Variants in LASP1 observed in about 807,000 individuals in gnomAD.
LASP1 encodes the protein LIM and SH3 protein 1.
Under a neutral mutation model 38.6 loss-of-function variants are expected in LASP1, and 10 were observed. The ratio of observed to expected loss-of-function variants is 0.26; its 90% CI spans 0.16 to 0.44. The LOEUF is 0.44. LASP1 is among the 20% of genes least tolerant of loss of function. LASP1 has a pLI of 1.00. For synonymous variants in LASP1, 132 were observed against 140.8 expected (o/e 0.94, Z 0.44); for missense variants, 243 against 375.7 (o/e 0.65, Z 2.92).
chr17:38,915,111 G>C lies in LASP1; in HGVS notation c.577G>C (p.Val193Leu). 6.2e-7 allele frequency: 1 copy of C among 1,613,978 alleles called. No individual in the cohort carries two copies. The highest frequency in any genetic ancestry group is 8.5e-7 in the Non-Finnish European group (1 of 1,179,972). ...TGGCTACAAGGAGCCTGCAGCCCCA[G>C]TCTCCATACAGCGCAGCGCCCCAGG... ...YGGYKEPAAP[V>L]SIQRSAPGGG... The change falls in exon 6 of 7, where the codon GTC becomes CTC. Residue 193 changes from valine to leucine, a missense_variant. This residue lies in a region of LASP1 where 165 missense variants were observed against 210.3 expected (regional missense o/e 0.78). Transcript: ENST00000318008.
intron 1 of LASP1, 123 bp from the exon 2 acceptor site, chr17:38,877,963 G>C: frequency 1.5e-6 from 1 of 686,580 alleles, no homozygotes; most frequent in South Asian, 1.9e-5. Flanking sequence ...ATGATTCCAT[G>C]TTCTCCCCAC....
chr17:38,886,218 A>T (rs142515178), intron 2 of LASP1, among the ~76,000 whole-genome samples: 8 of 151,416 alleles, frequency 5.3e-5, no homozygotes, highest in African/African-American at 1.9e-4. Context: ...GCTGAAGATG[A>T]GGTTGCCATG....
chr17:38,897,689 C>T (rs1261078629), intron 3 of LASP1, among the ~76,000 whole-genome samples: 1 of 152,092 alleles, frequency 6.6e-6, no homozygotes, highest in Non-Finnish European at 1.5e-5. Context: ...TGCTGTCTGA[C>T]CCCCGCTGCT....
At chr17:38,906,868 T>C (rs1210687983) in intron 4 of LASP1, among the ~76,000 whole-genome samples, 1 of 152,174 alleles carries the variant, frequency 6.6e-6, no homozygotes, top group Admixed American at 6.5e-5. Flanking sequence ...CCACATGTAC[T>C]TGGACCTCAT....
intron 1 of LASP1, among the ~76,000 whole-genome samples, chr17:38,874,596 C>G (rs1049356118): frequency 7.9e-5 from 12 of 152,172 alleles, no homozygotes; most frequent in Non-Finnish European, 1.8e-4. Context: ...AGGGGTGGAA[C>G]GGCCTCCTCT....
In LASP1 at chr17:38,920,302, TC is replaced by T. The variant is rs1183943728; in HGVS notation, c.*1529del. 16 of 385,672 alleles carry T rather than the reference TC, an allele frequency of 4.1e-5. No homozygotes were observed. In the East Asian group the frequency reaches 4.2e-4, roughly 10 times the overall value. The allele number at this position is 385,672 out of a possible 1,614,324, so 23.9% of individuals were successfully genotyped here. On this transcript the variant is annotated 3_prime_UTR_variant, in exon 7 of 7. Transcript: ENST00000318008. Reference sequence around the variant, plus strand: ...CCCTCGGGGGCTCTTCCCCTAGACCTCCCCCTCACTTACATAAAGCTCCCTT... The same window carrying T: ...CCCTCGGGGGCTCTTCCCCTAGACCTCCCCTCACTTACATAAAGCTCCCTT...
chr17:38,893,770 C>T (rs888310841), intron 3 of LASP1, among the ~76,000 whole-genome samples: 5 of 152,174 alleles, frequency 3.3e-5, no homozygotes, highest in Admixed American at 6.5e-5. Context: ...AGGGCTGAGC[C>T]GGCCAGGCTG....
At position 38,920,469 on chromosome 17, in the gene LASP1, G is replaced by T; in HGVS notation, c.*1691G>T. On this transcript the variant is annotated 3_prime_UTR_variant, in exon 7 of 7. Transcript: ENST00000318008. ...CCCTGGCCTCACTTGATTCATCTCTGGTTTTCTTGCCACCCTCTGGGAGTC... is the reference window on the plus strand; with the variant it reads ...CCCTGGCCTCACTTGATTCATCTCTTGTTTTCTTGCCACCCTCTGGGAGTC... 1 of 266,784 alleles carries T rather than the reference G, an allele frequency of 3.7e-6. No individual in the cohort carries two copies. The highest frequency in any genetic ancestry group is 7.3e-6 in the Non-Finnish European group (1 of 136,324). 16.5% of individuals were successfully genotyped at this position (266,784 alleles called of 1,614,324 possible). A position where few individuals can be genotyped will look rare whatever the true frequency, so the allele number is the denominator to read the frequency against.
At position 38,914,376 on chromosome 17, in the gene LASP1, G is replaced by C. The variant is rs755476623; in HGVS notation, c.409G>C (p.Glu137Gln). 6.2e-7 allele frequency: 1 copy of C among 1,612,202 alleles called. No homozygotes were observed. The highest frequency in any genetic ancestry group is 1.1e-5 in the South Asian group (1 of 90,986). The change falls in exon 5 of 7, where the codon GAG becomes CAG. Residue 137 changes from glutamate to glutamine, a missense_variant. Transcript: ENST00000318008. Reference protein sequence around the residue: ...EKSRMGPSGGEGMEPERRDSQ... With the variant: ...EKSRMGPSGGQGMEPERRDSQ... ...GAGCCGCATGGGCCCTAGCGGGGGC[G>C]AGGGCATGGAGCCAGAGCGTCGGGA...
chr17:38,870,542 G>C (rs12939116), intron 1 of LASP1, among the ~76,000 whole-genome samples: 95,310 of 152,102 alleles, frequency 0.63, 30,014 homozygotes, highest in East Asian at 0.68. Context: ...GAAGTCAGGC[G>C]CCGGGGTGTG....
chr17:38,897,435 GGGTCTGGAACAGAT>G (rs1333671328), intron 3 of LASP1, among the ~76,000 whole-genome samples: 1 of 152,250 alleles, frequency 6.6e-6, no homozygotes, highest in African/African-American at 2.4e-5. Flanking sequence ...GCAGCTGGTG[GGGTCTGGAACAGAT>G]GGCTGATGAG....
chr17:38,894,761 A>G (rs1435998632), intron 3 of LASP1, among the ~76,000 whole-genome samples: 1 of 151,852 alleles, frequency 6.6e-6, no homozygotes, highest in African/African-American at 2.4e-5. Context: ...TTTTTGAGAC[A>G]GGGTCTCTCT....
At chr17:38,870,378 G>A in intron 1 of LASP1, 120 bp downstream of exon 1, 1 of 1,148,004 alleles carries the variant, frequency 8.7e-7, no homozygotes, top group Non-Finnish European at 1.2e-6. Flanking sequence ...ATGGAGGGAG[G>A]GCGAGCGGGC....
At chr17:38,908,952 G>A (rs909343891) in intron 4 of LASP1, among the ~76,000 whole-genome samples, 4 of 152,252 alleles carry the variant, frequency 2.6e-5, no homozygotes, top group African/African-American at 9.6e-5. Context: ...TGGGGCAGGG[G>A]CGTTCCAGGA....
At chr17:38,913,032 C>T (rs560728512) in intron 4 of LASP1, among the ~76,000 whole-genome samples, 2 of 152,286 alleles carry the variant, frequency 1.3e-5, no homozygotes, top group South Asian at 4.1e-4. Flanking sequence ...CCCTCCCCTC[C>T]CCAGCTTGGC....
At chr17:38,910,847 C>T (rs573900499) in intron 4 of LASP1, among the ~76,000 whole-genome samples, 3 of 152,058 alleles carry the variant, frequency 2.0e-5, no homozygotes, top group African/African-American at 4.8e-5. Context: ...CTCAGCCTTC[C>T]GAGTAGCTGG....
rs1291100551 is a variant in LASP1, at chr17:38,919,351, G to T, written c.*573G>T. 2.5e-5 allele frequency: 6 copies of T among 241,172 alleles called. No individual in the cohort carries two copies. The East Asian group carries it at 3.6e-4, about 14-fold the overall frequency. The allele number at this position is 241,172 out of a possible 1,614,324, so 14.9% of individuals were successfully genotyped here. A position where few individuals can be genotyped will look rare whatever the true frequency, so the allele number is the denominator to read the frequency against. ...TCCCTCCTCAGGGGCAACAACAGGA[G>T]AATGGGGTTCCTGCTGTGGGGCGAA... On this transcript the variant is annotated 3_prime_UTR_variant, in exon 7 of 7. Transcript: ENST00000318008.
At chr17:38,897,721 G>A (rs1330012630) in intron 3 of LASP1, among the ~76,000 whole-genome samples, 1 of 152,214 alleles carries the variant, frequency 6.6e-6, no homozygotes, top group Non-Finnish European at 1.5e-5. Context: ...CTATGGCGGT[G>A]GCCTCTGAAG....
At chr17:38,898,097 G>A (rs1323880731) in intron 3 of LASP1, among the ~76,000 whole-genome samples, 2 of 152,156 alleles carry the variant, frequency 1.3e-5, no homozygotes, top group Non-Finnish European at 1.5e-5. Context: ...CTGTGGCTCC[G>A]TTTCCTGATC....
Sources: gnomAD v4.1 joint callset for allele counts (sites outside exome capture counted in the v4.1 genomes callset) on GRCh38, gnomAD v4.1.1 for gene constraint, gnomAD v4.1.1 regional missense constraint, MANE v1.5 for transcripts, NCBI Gene and HGNC (gene_info 2026-07-23, HGNC 2026-07-21) for gene names.